Variants in NFAT5 observed in about 807,000 individuals in gnomAD.
NFAT5 encodes the protein nuclear factor of activated T-cells 5.
A neutral mutation model predicts 166.5 loss-of-function variants in NFAT5; 31 were observed. That is an observed-to-expected ratio of 0.19 (90% CI 0.14 to 0.25). NFAT5 has a LOEUF of 0.25. Among genes scored for constraint, NFAT5 ranks in the 10% least tolerant of loss-of-function variants. The pLI is 1.00. For synonymous variants in NFAT5, 612 were observed against 639.7 expected (o/e 0.96, Z 0.65); for missense variants, 1,449 against 1,821.8 (o/e 0.80, Z 3.72).
intron 9 of NFAT5, among the ~76,000 whole-genome samples, chr16:69,672,628 G>C (rs983607273): frequency 6.6e-6 from 1 of 152,142 alleles, no homozygotes; most frequent in African/African-American, 2.4e-5. Flanking sequence ...AGAAAAAAAT[G>C]GGTGACTGTG....
At chr16:69,609,322 T>C (rs1368609388) in intron 2 of NFAT5, among the ~76,000 whole-genome samples, 2 of 152,188 alleles carry the variant, frequency 1.3e-5, no homozygotes, top group Non-Finnish European at 2.9e-5. Context: ...TTGTGAAGCT[T>C]TATACACATA....
chr16:69,654,108 C>G (rs1243084693), intron 5 of NFAT5, among the ~76,000 whole-genome samples: 1 of 151,912 alleles, frequency 6.6e-6, no homozygotes, highest in Non-Finnish European at 1.5e-5. Context: ...ATTTTAGCAC[C>G]TAGGATATCT....
At chr16:69,596,501 C>CTT (rs1223011135) in intron 2 of NFAT5, among the ~76,000 whole-genome samples, 1 of 152,020 alleles carries the variant, frequency 6.6e-6, no homozygotes, top group Non-Finnish European at 1.5e-5. Flanking sequence ...GGGCAGATCA[C>CTT]GAGGTCAGGA....
intron 2 of NFAT5, among the ~76,000 whole-genome samples, chr16:69,581,528 C>A (rs1443336902): frequency 6.6e-6 from 1 of 152,166 alleles, no homozygotes; most frequent in African/African-American, 2.4e-5. Flanking sequence ...AAACTGCTTT[C>A]CATGATGGCT....
chr16:69,571,153 A>AAAAAAAAAAAAC (rs2016410972), intron 2 of NFAT5, among the ~76,000 whole-genome samples: 1 of 146,124 alleles, frequency 6.8e-6, no homozygotes. Flanking sequence ...AAAAAAAAAA[A>AAAAAAAAAAAAC]AAAAGCCAGG....
In NFAT5 at chr16:69,688,202, C is replaced by CAAAAAAAAAAAAAA. The variant is rs1188158260; in HGVS notation, c.1775-2727_1775-2714dup. The stretch of plus-strand genomic sequence containing the variant: ...TGGGCGACAGAGCGAGACTCCGTCT[C>CAAAAAAAAAAAAAA]AAAAAAAAAAAAAAAAAAAAAAAAC... On this transcript the variant is annotated intron_variant, in intron 11 of 14. Transcript: ENST00000349945. Among the ~76,000 whole-genome samples the CAAAAAAAAAAAAAA allele has an allele frequency of 1.8e-3, 91 of 49,468 alleles. 1 individual carries two copies. The highest frequency in any genetic ancestry group is 2.2e-3 in the African/African-American group (35 of 15,748). 32.5% of individuals were successfully genotyped at this position (49,468 alleles called of 152,430 possible). A position where few individuals can be genotyped will look rare whatever the true frequency, so the allele number is the denominator to read the frequency against.
chr16:69,648,384 CA>C (rs2035536225), intron 4 of NFAT5: 8 of 979,956 alleles, frequency 8.2e-6, no homozygotes, highest in Non-Finnish European at 9.7e-6. Context: ...TGATTCTCAT[CA>C]TTTAGATTCA....
In NFAT5 at chr16:69,704,629, C is replaced by A. The variant is rs550600360; in HGVS notation, c.*8278C>A. On this transcript the variant is annotated 3_prime_UTR_variant, in exon 15 of 15. Coordinates refer to ENST00000349945, the MANE Select transcript of NFAT5 (RefSeq NM_138713.4). ...CTATATTTCTGTAAACAGCTGCAGT[C>A]AAAAATAAAACACTGAAAGTTTTCA... 3.9e-5 allele frequency: 6 copies of A among 152,688 alleles called. No individual in the cohort carries two copies. Among genetic ancestry groups the A allele is most frequent in the Admixed American group, 3.9e-4 (6 of 15,278 alleles). 9.5% of individuals were successfully genotyped at this position (152,688 alleles called of 1,614,324 possible). A position where few individuals can be genotyped will look rare whatever the true frequency, so the allele number is the denominator to read the frequency against.
rs916853119 is a variant in NFAT5, at chr16:69,647,936, C to G, written c.812+350C>G. On this transcript the variant is annotated intron_variant, in intron 4 of 14. Coordinates refer to ENST00000349945, the MANE Select transcript of NFAT5 (RefSeq NM_138713.4). The surrounding 1 kb of genome is among the most constrained non-coding windows in gnomAD (Gnocchi z 4.8). ...CCTGTAATCCCAGCACTTTGGGAGG[C>G]CGAGGCGGGCGGATCACCTGAGGTC... Among the ~76,000 whole-genome samples, 5 of 151,970 alleles carry G rather than the reference C, an allele frequency of 3.3e-5. No homozygotes were observed. Among genetic ancestry groups the G allele is most frequent in the African/African-American group, 1.2e-4 (5 of 41,378 alleles).
intron 3 of NFAT5, among the ~76,000 whole-genome samples, chr16:69,645,456 A>G (rs1319194345): frequency 6.6e-6 from 1 of 152,162 alleles, no homozygotes; most frequent in Non-Finnish European, 1.5e-5. Context: ...ACTAATATTA[A>G]TTACTGTGCT....
intron 10 of NFAT5, among the ~76,000 whole-genome samples, chr16:69,681,698 A>G (rs1235851860): frequency 3.3e-5 from 5 of 152,002 alleles, no homozygotes; most frequent in African/African-American, 1.2e-4. Context: ...TGGGCGGATC[A>G]TGAGGTCAGG....
At chr16:69,644,599 CACTTATGTCTG>C (rs2035355775) in intron 3 of NFAT5, among the ~76,000 whole-genome samples, 1 of 152,180 alleles carries the variant, frequency 6.6e-6, no homozygotes, top group Non-Finnish European at 1.5e-5. Context: ...CTAGAACACA[CACTTATGTCTG>C]ACTGTTAAAT....
chr16:69,586,631 G>C (rs1047155945), intron 2 of NFAT5, among the ~76,000 whole-genome samples: 1 of 151,990 alleles, frequency 6.6e-6, no homozygotes, highest in African/African-American at 2.4e-5. Context: ...TTGAACTCCT[G>C]ACCTCAGGTG....
chr16:69,602,843 T>C (rs1240678816), intron 2 of NFAT5, among the ~76,000 whole-genome samples: 2 of 150,090 alleles, frequency 1.3e-5, no homozygotes, highest in African/African-American at 4.9e-5. Context: ...ACTCCTGAGC[T>C]CAAGCAATCC....
intron 13 of NFAT5, among the ~76,000 whole-genome samples, chr16:69,694,716 C>T (rs1259433658): frequency 6.6e-6 from 1 of 152,090 alleles, no homozygotes; most frequent in African/African-American, 2.4e-5. Context: ...TTAAATATGG[C>T]AATGTATAAA....
chr16:69,661,359 A>G (rs2036126844), intron 7 of NFAT5, among the ~76,000 whole-genome samples: 1 of 149,666 alleles, frequency 6.7e-6, no homozygotes, highest in Non-Finnish European at 1.5e-5. Context: ...ACATAATGAG[A>G]GAACCTGTCT....
intron 2 of NFAT5, among the ~76,000 whole-genome samples, chr16:69,621,266 A>C (rs988928560): frequency 2.0e-5 from 3 of 151,680 alleles, no homozygotes; most frequent in Non-Finnish European, 2.9e-5. Context: ...AAAAAAAAAA[A>C]CAGCTTTATT....
chr16:69,635,350 T>C (rs1163156783), intron 3 of NFAT5, among the ~76,000 whole-genome samples: 1 of 152,170 alleles, frequency 6.6e-6, no homozygotes, highest in Admixed American at 6.6e-5. Flanking sequence ...TTTGTAAAAA[T>C]TAGTTTTGAA....
Position 69,606,365 on chromosome 16 carries a change from G to A in NFAT5, c.128-20038G>A, listed in dbSNP as rs140187159. 2.0e-4 allele frequency among the ~76,000 whole-genome samples: 31 copies of A among 152,314 alleles called. No homozygotes were observed. In the East Asian group the frequency reaches 5.8e-3, roughly 28 times the overall value. On this transcript the variant is annotated intron_variant, in intron 2 of 14. Coordinates refer to ENST00000349945, the MANE Select transcript of NFAT5 (RefSeq NM_138713.4). The stretch of plus-strand genomic sequence containing the variant: ...GTAACTTGAGAGTACACTAAAGGAG[G>A]CAGCTCCAGTTTTCCTTGTGGATTT...
Sources: allele counts gnomAD v4.1 joint callset (sites outside exome capture counted in the v4.1 genomes callset), GRCh38; gene constraint gnomAD v4.1.1; non-coding constraint Gnocchi (gnomAD v3.1); transcripts MANE v1.5; gene names NCBI Gene and HGNC (gene_info 2026-07-23, HGNC 2026-07-21).